The following PNCK variants were observed in gnomAD, a reference collection of about 807,000 sequenced individuals.
The protein encoded by PNCK is calcium/calmodulin-dependent protein kinase type 1B.
In PNCK, 21 loss-of-function variants were observed where a neutral mutation model predicts 28.3. That is an observed-to-expected ratio of 0.74 (90% confidence interval 0.53 to 1.07). PNCK has a LOEUF of 1.07. Among genes scored for constraint, PNCK ranks in the 50% least tolerant of loss-of-function variants. The pLI, the probability that PNCK is intolerant of heterozygous loss-of-function variation, is 0.00. For synonymous variants in PNCK, 136 were observed against 125.2 expected (o/e 1.09, Z -0.58); for missense variants, 250 against 298.3 (o/e 0.84, Z 1.19).
intron 1 of PNCK, among the ~76,000 whole-genome samples, chrX:153,680,983 C>T (rs2091392818): frequency 1.1e-5 from 1 of 92,396 alleles, no homozygotes; most frequent in African/African-American, 4.4e-5. Context: ...GAGCGGAGAT[C>T]ACACAACTGT....
At chrX:153,674,484 G>A (rs1221924538), upstream of PNCK, 3 of 221,635 alleles carry the variant, frequency 1.4e-5, no homozygotes, top group Non-Finnish European at 2.5e-5. Flanking sequence ...AATGTTCTTC[G>A]ATCAGATATC....
intron 1 of PNCK, among the ~76,000 whole-genome samples, chrX:153,686,096 C>T (rs1222453693): frequency 8.9e-6 from 1 of 111,913 alleles, no homozygotes; most frequent in African/African-American, 3.3e-5. Context: ...TGGACAGCCC[C>T]CCACCCTTCA....
At chrX:153,677,066 A>T (rs782082579), upstream of PNCK, among the ~76,000 whole-genome samples, 10 of 110,419 alleles carry the variant, frequency 9.1e-5, no homozygotes, top group Non-Finnish European at 1.1e-4. Flanking sequence ...CAGCCTCCCA[A>T]GTAGCTGGGA....
Position 153,673,086 on chromosome X carries a change from G to T in PNCK, c.-2-8C>A. 1 of 1,189,403 alleles carries T rather than the reference G, an allele frequency of 8.4e-7. No homozygotes were observed. The highest frequency in any genetic ancestry group is 1.8e-5 in the South Asian group (1 of 54,725). On this transcript the variant is annotated splice_polypyrimidine_tract_variant and splice_region_variant and intron_variant, in intron 1 of 11. Transcript: ENST00000340888. ...TCTTCAGCAGCAGCATGTCTGCAGG[G>T]GCAGGGGAGAGGTGATGGGGGTCTC...
chrX:153,677,332 T>C (rs1235014262), upstream of PNCK, among the ~76,000 whole-genome samples: 1 of 110,667 alleles, frequency 9.0e-6, no homozygotes, highest in Non-Finnish European at 1.9e-5. Context: ...CTTCCTTACT[T>C]TCTGGCTCTG....
upstream of PNCK, chrX:153,673,987 G>C: frequency 8.6e-7 from 1 of 1,161,055 alleles, no homozygotes; most frequent in East Asian, 3.2e-5. Flanking sequence ...CCAGCCCACT[G>C]CTCGCTCGCG....
chrX:153,673,013 C>A lies in PNCK; in HGVS notation c.64G>T (p.Gly22Cys), dbSNP rs2091328907. The change falls in exon 2 of 12, where the codon GGC becomes TGC. Residue 22 changes from glycine (G) to cysteine (C), a missense_variant. Physicochemically the swap from Gly to Cys is radical, Grantham distance 159. Transcript: ENST00000340888. ...SSVYEIRERL[G>C]SGAFSEVVLA... ...CACACGCGCGCGCACACTCACGAGC[C>A]GAGCCTCTCGCGGATCTCGTAGACG... The A allele has an allele frequency of 4.2e-6, 5 of 1,186,783 alleles. No individual in the cohort carries two copies. The highest frequency in any genetic ancestry group is 4.5e-6 in the Non-Finnish European group (4 of 881,913).
chrX:153,684,298 C>T (rs1042702829), intron 1 of PNCK, among the ~76,000 whole-genome samples: 3 of 112,240 alleles, frequency 2.7e-5, no homozygotes, highest in South Asian at 3.7e-4. Flanking sequence ...AACAGAACCG[C>T]GCTTGTACCC....
At chrX:153,672,264 G>A (rs1557040236) in intron 3 of PNCK, 64 bp from the exon 4 acceptor site, 9 of 1,064,180 alleles carry the variant, frequency 8.5e-6, no homozygotes, top group Non-Finnish European at 1.1e-5. Context: ...CTGAGGCCCT[G>A]GGGAAAGCCT....
At position 153,671,176 on chromosome X, in the gene PNCK, G is replaced by C. The variant is rs782214506; in HGVS notation, c.629C>G (p.Pro210Arg). The C allele has an allele frequency of 8.3e-7, 1 of 1,211,886 alleles. No individual in the cohort carries two copies. The highest frequency in any genetic ancestry group is 3.0e-5 in the East Asian group (1 of 33,848). Residue 210 changes from proline to arginine, a missense_variant, in exon 8 of 12, where the codon CCC becomes CGC. By Grantham distance (103) the Pro-to-Arg change is moderately radical. Coordinates refer to ENST00000340888, the MANE Select transcript of PNCK (RefSeq NM_001366977.1). ...VISYILLCGY[P>R]PFYDESDPEL... Reference sequence around the variant, plus strand: ...AGGGTCGCTCTCGTCGTAGAAGGGGGGGTACCCACACAGCCTGGCACCCAC... The same window carrying C: ...AGGGTCGCTCTCGTCGTAGAAGGGGCGGTACCCACACAGCCTGGCACCCAC...
intron 1 of PNCK, among the ~76,000 whole-genome samples, chrX:153,684,264 G>A (rs782759807): frequency 8.9e-6 from 1 of 112,478 alleles, no homozygotes; most frequent in Admixed American, 9.4e-5. Flanking sequence ...TAGGGTGATG[G>A]GTCTGCACGG....
chrX:153,671,258 A>AAG, intron 7 of PNCK, 27 bp downstream of exon 7: 3 of 1,199,658 alleles, frequency 2.5e-6, no homozygotes, highest in Non-Finnish European at 3.4e-6. Context: ...GGCAGGCAGG[A>AAG]GACAAGCCTT....
chrX:153,681,894 G>A (rs1488925213), intron 1 of PNCK, among the ~76,000 whole-genome samples: 2 of 111,762 alleles, frequency 1.8e-5, no homozygotes, highest in Admixed American at 9.5e-5. Flanking sequence ...TGGGTACAAC[G>A]TTCACTATTC....
At chrX:153,679,774 G>A (rs1557042243), upstream of PNCK, among the ~76,000 whole-genome samples, 1 of 109,609 alleles carries the variant, frequency 9.1e-6, no homozygotes, top group African/African-American at 3.3e-5. Context: ...GTTTCACCAT[G>A]TTGGCCAGGC....
intron 1 of PNCK, among the ~76,000 whole-genome samples, chrX:153,686,059 G>A (rs896579618): frequency 8.9e-6 from 1 of 112,207 alleles, no homozygotes; most frequent in Non-Finnish European, 1.9e-5. Flanking sequence ...CCCACTCCGA[G>A]GGTCCATGGA....
chrX:153,673,721 G>A, intron 1 of PNCK, 59 bp downstream of exon 1: 2 of 672,138 alleles, frequency 3.0e-6, no homozygotes, highest in African/African-American at 2.4e-5. Context: ...CGGCGGCCGC[G>A]GGCCGGATCC....
At chrX:153,684,403 C>T (rs1442817479) in intron 1 of PNCK, among the ~76,000 whole-genome samples, 2 of 112,414 alleles carry the variant, frequency 1.8e-5, no homozygotes, top group African/African-American at 6.5e-5. Context: ...TCTGTGTAAA[C>T]GAGCACAGCT....
chrX:153,670,596 T>A lies in PNCK; in HGVS notation c.895-2A>T. On this transcript the variant is annotated splice_acceptor_variant, in intron 10 of 11. Transcript: ENST00000340888. LOFTEE classifies it high-confidence loss of function. The stretch of plus-strand genomic sequence containing the variant: ...GAACGAGGTGGCATTGAAGGCTCGC[T>A]GCCAGAAGAGAGGGAGATCAGGCCA... The A allele has an allele frequency of 8.3e-7, 1 of 1,209,483 alleles. No homozygotes were observed. The highest frequency in any genetic ancestry group is 1.8e-5 in the South Asian group (1 of 56,601).
upstream of PNCK, among the ~76,000 whole-genome samples, chrX:153,679,566 C>CTTTTTTTTTTTTTTT (rs1211891003): frequency 1.6e-3 from 73 of 46,042 alleles, no homozygotes; most frequent in Non-Finnish European, 2.3e-3. Flanking sequence ...CTTTTCTTTT[C>CTTTTTTTTTTTTTTT]TTTTTTTTTT....
Sources: allele counts gnomAD v4.1 joint callset (sites outside exome capture counted in the v4.1 genomes callset), GRCh38; gene constraint gnomAD v4.1.1; transcripts MANE v1.5; gene names NCBI Gene and HGNC (gene_info 2026-07-23, HGNC 2026-07-21).